RIMS1: variants seen among roughly 807,000 people sequenced by gnomAD.
The protein encoded by RIMS1 is regulating synaptic membrane exocytosis 1, also known as regulating synaptic membrane exocytosis protein 1.
RIMS1 carries 83 observed loss-of-function variants against 214.1 expected under a neutral mutation model. The observed-to-expected ratio is 0.39, with a 90% CI of 0.32 to 0.47. The LOEUF (loss-of-function observed/expected upper bound fraction) is 0.47. RIMS1 is among the 20% of genes least tolerant of loss of function. The pLI is 0.99. For synonymous variants in RIMS1, 793 were observed against 786.8 expected (o/e 1.01, Z -0.13); for missense variants, 2,050 against 2,161.8 (o/e 0.95, Z 1.03).
At chr6:72,215,739 A>G (rs1212487355) in intron 6 of RIMS1, among the ~76,000 whole-genome samples, 1 of 152,154 alleles carries the variant, frequency 6.6e-6, no homozygotes, top group East Asian at 1.9e-4. Context: ...GGAAAAGAAA[A>G]AAAAGCAAAC....
rs142139076 is a variant in RIMS1, at chr6:72,131,855, A to G, written c.471+31869A>G. Among the ~76,000 whole-genome samples the G allele has an allele frequency of 9.5e-3, 1,439 of 152,274 alleles. 11 individuals carry two copies. The highest frequency in any genetic ancestry group is 0.031 in the Middle Eastern group (9 of 294). On this transcript the variant is annotated intron_variant, in intron 4 of 33. Coordinates refer to ENST00000521978, the MANE Select transcript of RIMS1 (RefSeq NM_014989.7). ...ATGACCACACCCAAGGGGGCCGTGTATAGACCCACCCCCAGGCGCATATTC... is the reference window on the plus strand; with the variant it reads ...ATGACCACACCCAAGGGGGCCGTGTGTAGACCCACCCCCAGGCGCATATTC...
intron 2 of RIMS1, among the ~76,000 whole-genome samples, chr6:71,990,731 G>A (rs1801343514): frequency 6.6e-6 from 1 of 152,094 alleles, no homozygotes; most frequent in Non-Finnish European, 1.5e-5. Flanking sequence ...TGGGCAGTAA[G>A]CTCCGAGATC....
chr6:72,039,793 G>A (rs1020235675), intron 2 of RIMS1, among the ~76,000 whole-genome samples: 21 of 152,092 alleles, frequency 1.4e-4, no homozygotes, highest in African/African-American at 4.8e-4. Context: ...TTAGCCCAGT[G>A]TGTATTGTAT....
At chr6:71,989,969 G>C (rs770036085) in intron 2 of RIMS1, among the ~76,000 whole-genome samples, 1 of 152,042 alleles carries the variant, frequency 6.6e-6, no homozygotes, top group South Asian at 2.1e-4. Flanking sequence ...GGACACCCAC[G>C]TCCCAGCTTC....
At chr6:72,030,990 C>A (rs973248217) in intron 2 of RIMS1, among the ~76,000 whole-genome samples, 1 of 152,128 alleles carries the variant, frequency 6.6e-6, no homozygotes, top group Admixed American at 6.6e-5. Context: ...CCCTTTCTAA[C>A]AAATCTCATG....
At chr6:71,935,382 G>A (rs1784141181) in intron 1 of RIMS1, among the ~76,000 whole-genome samples, 1 of 152,120 alleles carries the variant, frequency 6.6e-6, no homozygotes, top group African/African-American at 2.4e-5. Context: ...CCTGATTTAA[G>A]TGTTATGAAG....
chr6:72,081,050 G>A (rs955650364), intron 2 of RIMS1, among the ~76,000 whole-genome samples: 65 of 152,118 alleles, frequency 4.3e-4, no homozygotes, highest in African/African-American at 1.4e-3. Context: ...CACAGGGTAC[G>A]TTTCCTGGGC....
chr6:72,275,503 G>T (rs2085908198), intron 23 of RIMS1, among the ~76,000 whole-genome samples: 1 of 152,030 alleles, frequency 6.6e-6, no homozygotes, highest in Non-Finnish European at 1.5e-5. Context: ...AAAAATTAAG[G>T]TTGTTTTACA....
At chr6:72,118,560 A>T (rs1478051659) in intron 4 of RIMS1, among the ~76,000 whole-genome samples, 1 of 151,818 alleles carries the variant, frequency 6.6e-6, no homozygotes, top group East Asian at 1.9e-4. Flanking sequence ...ATGAACATAG[A>T]TGCAAAAATC....
chr6:71,906,643 G>A (rs559555656), intron 1 of RIMS1, among the ~76,000 whole-genome samples: 26 of 152,124 alleles, frequency 1.7e-4, no homozygotes, highest in African/African-American at 4.6e-4. Context: ...TGCATGGAGC[G>A]GAGTGCCTGA....
chr6:72,262,244 G>A, intron 19 of RIMS1: 1 of 794,862 alleles, frequency 1.3e-6, no homozygotes, highest in Non-Finnish European at 1.5e-6. Context: ...TATAATAGTT[G>A]CATCATTTTA....
intron 2 of RIMS1, among the ~76,000 whole-genome samples, chr6:72,005,705 G>T (rs568987545): frequency 6.6e-6 from 1 of 152,140 alleles, no homozygotes; most frequent in Non-Finnish European, 1.5e-5. Context: ...AACAGTATTT[G>T]CTTATTCAAC....
chr6:72,368,867 T>C (rs1251233461), intron 29 of RIMS1, among the ~76,000 whole-genome samples: 1 of 151,944 alleles, frequency 6.6e-6, no homozygotes, highest in African/African-American at 2.4e-5. Flanking sequence ...GTGGTCACAC[T>C]TGGTTGTTGG....
chr6:71,975,771 A>G (rs1370913978), intron 2 of RIMS1, among the ~76,000 whole-genome samples: 4 of 152,114 alleles, frequency 2.6e-5, no homozygotes, highest in Non-Finnish European at 5.9e-5. Flanking sequence ...ATTACTTTCT[A>G]TATTTATGAG....
Position 72,201,298 on chromosome 6 carries a change from T to C in RIMS1, c.1678+18149T>C, listed in dbSNP as rs191439591. 9.8e-4 allele frequency among the ~76,000 whole-genome samples: 150 copies of C among 152,318 alleles called. 2 individuals are homozygous for C. Among genetic ancestry groups the C allele is most frequent in the African/African-American group, 3.4e-3 (141 of 41,576 alleles). On this transcript the variant is annotated intron_variant, in intron 6 of 33. Transcript: ENST00000521978. ...CTTTAATATAGAACTTTTAAAAAGA[T>C]GTGTAACTAAAGGTCATTTTAAGGG...
intron 1 of RIMS1, among the ~76,000 whole-genome samples, chr6:71,904,447 A>G (rs1217596673): frequency 6.6e-6 from 1 of 152,100 alleles, no homozygotes; most frequent in Non-Finnish European, 1.5e-5. Context: ...CACTGGATTT[A>G]GGCTGCCTGG....
chr6:72,035,220 G>T (rs1819290762), intron 2 of RIMS1, among the ~76,000 whole-genome samples: 1 of 152,112 alleles, frequency 6.6e-6, no homozygotes, highest in Non-Finnish European at 1.5e-5. Flanking sequence ...AAATTGGTAA[G>T]GGTCTAATAA....
chr6:72,257,231 ATTTTCC>A (rs2076243673), intron 16 of RIMS1, among the ~76,000 whole-genome samples: 1 of 149,150 alleles, frequency 6.7e-6, no homozygotes, highest in South Asian at 2.1e-4. Flanking sequence ...TAATTTTTTT[ATTTTCC>A]TTATGATAAT....
intron 27 of RIMS1, among the ~76,000 whole-genome samples, chr6:72,310,412 T>A (rs953597890): frequency 2.6e-5 from 4 of 152,044 alleles, no homozygotes; most frequent in Non-Finnish European, 5.9e-5. Context: ...ATTTTTTTTT[T>A]ATTGGTGGTA....
Sources: gnomAD v4.1 joint callset for allele counts (sites outside exome capture counted in the v4.1 genomes callset) on GRCh38, gnomAD v4.1.1 for gene constraint, MANE v1.5 for transcripts, NCBI Gene and HGNC (gene_info 2026-07-23, HGNC 2026-07-21) for gene names.